Variants in AUTS2 observed in about 807,000 individuals in gnomAD.
The protein encoded by AUTS2 is autism susceptibility gene 2 protein.
In AUTS2, 17 loss-of-function variants were observed where a neutral mutation model predicts 112.4. The ratio of observed to expected loss-of-function variants is 0.15; its 90% confidence interval spans 0.10 to 0.23. The LOEUF (loss-of-function observed/expected upper bound fraction) is 0.23, where lower values mean the gene tolerates loss of function less well. Ranked by LOEUF, AUTS2 falls within the 10% of genes least tolerant of loss-of-function variation. AUTS2 has a pLI of 1.00. For missense variants in AUTS2, 1,510 were observed against 1,701.6 expected, an observed-to-expected ratio of 0.89 and a Z score of 1.98; for synonymous variants, 751 against 702.7, an observed-to-expected ratio of 1.07 and a Z score of -1.09.
chr7:69,783,813 G>T (rs1027688272), intron 1 of AUTS2, among the ~76,000 whole-genome samples: 24 of 152,102 alleles, frequency 1.6e-4, no homozygotes, highest in African/African-American at 5.6e-4. Context: ...GACTGTTTTT[G>T]ATCATTTGAA....
At chr7:69,941,839 G>A (rs542915087) in intron 2 of AUTS2, among the ~76,000 whole-genome samples, 1 of 152,288 alleles carries the variant, frequency 6.6e-6, no homozygotes, top group South Asian at 2.1e-4. Flanking sequence ...AATTGGGCCA[G>A]ACTGGATGAA....
chr7:70,038,755 C>T (rs2129557501), intron 2 of AUTS2, among the ~76,000 whole-genome samples: 1 of 152,040 alleles, frequency 6.6e-6, no homozygotes, highest in South Asian at 2.1e-4. Flanking sequence ...CTTTCCTGAG[C>T]CCTGGGTTTC....
At chr7:70,281,719 G>A (rs532843465) in intron 4 of AUTS2, among the ~76,000 whole-genome samples, 3 of 151,992 alleles carry the variant, frequency 2.0e-5, no homozygotes, top group South Asian at 4.2e-4. Context: ...TTGAAGATTC[G>A]GAGTAATGTT....
intron 4 of AUTS2, among the ~76,000 whole-genome samples, chr7:70,139,815 A>G (rs1806760417): frequency 1.3e-5 from 2 of 152,096 alleles, no homozygotes; most frequent in African/African-American, 4.8e-5. Flanking sequence ...CCTGGCCAAC[A>G]TGGTGAAACC....
chr7:69,814,692 T>C (rs1407993467), intron 1 of AUTS2, among the ~76,000 whole-genome samples: 1 of 152,200 alleles, frequency 6.6e-6, no homozygotes, highest in Non-Finnish European at 1.5e-5. Context: ...GGGGGCTGAA[T>C]TGGCACTTGG....
At chr7:70,002,146 C>G (rs1419422571) in intron 2 of AUTS2, among the ~76,000 whole-genome samples, 2 of 152,112 alleles carry the variant, frequency 1.3e-5, no homozygotes, top group Non-Finnish European at 2.9e-5. Context: ...GAGTATAGTG[C>G]TTACAGAATG....
chr7:70,733,402 G>A (rs1254614088), intron 6 of AUTS2, among the ~76,000 whole-genome samples: 5 of 152,146 alleles, frequency 3.3e-5, no homozygotes, highest in African/African-American at 7.2e-5. Context: ...GTACAAAATC[G>A]AAGATGCCAA....
At chr7:70,788,313 T>C (rs1791651571) in intron 18 of AUTS2, among the ~76,000 whole-genome samples, 1 of 152,238 alleles carries the variant, frequency 6.6e-6, no homozygotes, top group Non-Finnish European at 1.5e-5. Context: ...TGTGTGTGTA[T>C]ATCCTAGTAA....
At chr7:70,775,475 A>C in intron 13 of AUTS2, 89 bp downstream of exon 13, 2 of 1,068,632 alleles carry the variant, frequency 1.9e-6, no homozygotes, top group Non-Finnish European at 2.8e-6. Context: ...GAAATAAGCC[A>C]TAGAAATGTT....
At chr7:70,554,937 G>C (rs140416055) in intron 5 of AUTS2, among the ~76,000 whole-genome samples, 154 of 152,326 alleles carry the variant, frequency 1.0e-3, no homozygotes, top group African/African-American at 3.4e-3. Flanking sequence ...ATGTTAATTG[G>C]CTTAGCTCTA....
At chr7:70,517,993 A>G (rs1026877905) in intron 5 of AUTS2, among the ~76,000 whole-genome samples, 7 of 152,234 alleles carry the variant, frequency 4.6e-5, no homozygotes, top group African/African-American at 1.4e-4. Flanking sequence ...AAATGAAAAT[A>G]TAGCCATTTG....
chr7:69,833,167 G>C (rs1202237378), intron 1 of AUTS2, among the ~76,000 whole-genome samples: 1 of 152,124 alleles, frequency 6.6e-6, no homozygotes, highest in Non-Finnish European at 1.5e-5. Context: ...AAGGGCCTGA[G>C]AATTAAAATT....
chr7:70,633,159 C>G (rs1805357312), intron 5 of AUTS2, among the ~76,000 whole-genome samples: 1 of 152,118 alleles, frequency 6.6e-6, no homozygotes, highest in South Asian at 2.1e-4. Flanking sequence ...TTGGGAGAAC[C>G]TAAAGCAGAA....
chr7:70,710,676 TAATTTG>T (rs1232339785), intron 6 of AUTS2, among the ~76,000 whole-genome samples: 3 of 152,238 alleles, frequency 2.0e-5, no homozygotes, highest in African/African-American at 7.2e-5. Context: ...GAGGCTGAAC[TAATTTG>T]ATTGTTACCA....
chr7:70,786,836 A>T (rs1791528112), intron 17 of AUTS2: 1 of 348,254 alleles, frequency 2.9e-6, no homozygotes, highest in Admixed American at 4.4e-5. Flanking sequence ...TCTACTGTGA[A>T]TCAATTTAGA....
At chr7:70,257,848 T>A (rs1786964248) in intron 4 of AUTS2, among the ~76,000 whole-genome samples, 1 of 152,114 alleles carries the variant, frequency 6.6e-6, no homozygotes. Flanking sequence ...GTTCAGTGTG[T>A]GAGTATAGAA....
chr7:70,780,641 G>A (rs1585680016), intron 14 of AUTS2, among the ~76,000 whole-genome samples: 4 of 152,220 alleles, frequency 2.6e-5, no homozygotes, highest in African/African-American at 7.2e-5. Context: ...CTCCCAAAGC[G>A]CTGGGATTAT....
At chr7:70,167,858 C>T (rs1302216798) in intron 4 of AUTS2, among the ~76,000 whole-genome samples, 1 of 152,188 alleles carries the variant, frequency 6.6e-6, no homozygotes, top group Admixed American at 6.5e-5. Flanking sequence ...TTACAGTTTA[C>T]ATGCCTCTTT....
At chr7:69,883,880 G>A (rs929318578) in intron 1 of AUTS2, among the ~76,000 whole-genome samples, 4 of 152,146 alleles carry the variant, frequency 2.6e-5, no homozygotes, top group South Asian at 2.1e-4. Flanking sequence ...ATATATACGC[G>A]TTTGCCAGTT....
Sources: allele counts gnomAD v4.1 joint callset (sites outside exome capture counted in the v4.1 genomes callset), GRCh38; gene constraint gnomAD v4.1.1; transcripts MANE v1.5; gene names NCBI Gene and HGNC (gene_info 2026-07-23, HGNC 2026-07-21).